Variants in WWOX observed in about 807,000 individuals in gnomAD.
WWOX encodes WW domain-containing oxidoreductase.
A neutral mutation model predicts 46.2 loss-of-function variants in WWOX; 69 were observed. That is an observed-to-expected ratio of 1.49 (90% CI 1.23 to 1.82). The LOEUF (loss-of-function observed/expected upper bound fraction) is 1.82. WWOX is among the 40% of genes most tolerant of loss of function. WWOX has a pLI of 0.00. For missense variants in WWOX, 919 were observed against 542.6 expected, an observed-to-expected ratio of 1.69 and a Z score of -6.89; for synonymous variants, 359 against 202.6, an observed-to-expected ratio of 1.77 and a Z score of -6.56.
intron 5 of WWOX, among the ~76,000 whole-genome samples, chr16:78,317,778 C>A (rs1455335907): frequency 6.6e-6 from 1 of 152,086 alleles, no homozygotes; most frequent in African/African-American, 2.4e-5. Context: ...GCATTTTATT[C>A]CCCCAACAGT....
intron 8 of WWOX, chr16:78,891,902 G>A (rs1185381801): frequency 6.6e-6 from 1 of 152,140 alleles, no homozygotes; most frequent in African/African-American, 2.4e-5. Flanking sequence ...AGCAGAGTTG[G>A]TTTTCCGGAG....
At chr16:78,828,938 T>A (rs576085851) in intron 8 of WWOX, among the ~76,000 whole-genome samples, 2 of 152,312 alleles carry the variant, frequency 1.3e-5, no homozygotes, top group African/African-American at 2.4e-5. Context: ...TCAAAACTTA[T>A]AGAGGTTAAA....
intron 8 of WWOX, among the ~76,000 whole-genome samples, chr16:79,161,690 T>C (rs113621437): frequency 0.024 from 3,613 of 152,160 alleles, 105 homozygotes; most frequent in East Asian, 0.16. Flanking sequence ...GGCTAGTTTT[T>C]GTATTTTTAG....
intron 8 of WWOX, among the ~76,000 whole-genome samples, chr16:79,048,253 A>G (rs1166696250): frequency 6.6e-6 from 1 of 151,938 alleles, no homozygotes; most frequent in Non-Finnish European, 1.5e-5. Flanking sequence ...TTGTGTTTTC[A>G]GCTGAGAAAA....
At chr16:78,465,986 G>T (rs554407499) in intron 8 of WWOX, among the ~76,000 whole-genome samples, 4 of 152,146 alleles carry the variant, frequency 2.6e-5, no homozygotes, top group Non-Finnish European at 4.4e-5. Context: ...GCGGCGGGGA[G>T]TATGGAAAGC....
intron 8 of WWOX, among the ~76,000 whole-genome samples, chr16:78,498,227 A>T (rs1181698855): frequency 7.0e-6 from 1 of 142,696 alleles, no homozygotes; most frequent in African/African-American, 2.6e-5. Context: ...AAGAAAAAAA[A>T]GCATCAGGGT....
chr16:78,742,668 T>G (rs2049257079), intron 8 of WWOX, among the ~76,000 whole-genome samples: 1 of 152,222 alleles, frequency 6.6e-6, no homozygotes, highest in Admixed American at 6.5e-5. Flanking sequence ...ACTGTTTATG[T>G]CTGCGGAGTC....
intron 8 of WWOX, among the ~76,000 whole-genome samples, chr16:78,455,319 A>C (rs1006587184): frequency 2.0e-5 from 3 of 152,104 alleles, no homozygotes; most frequent in African/African-American, 7.2e-5. Context: ...CTCAGTAATG[A>C]AGATAAATGA....
At chr16:78,975,474 T>G (rs12921056) in intron 8 of WWOX, among the ~76,000 whole-genome samples, 36,674 of 151,132 alleles carry the variant, frequency 0.24, 5,043 homozygotes, top group Admixed American at 0.33. Context: ...TTTTTTTTCA[T>G]TATGGCCCCC....
At chr16:78,775,557 C>G (rs1030495329) in intron 8 of WWOX, among the ~76,000 whole-genome samples, 2 of 152,110 alleles carry the variant, frequency 1.3e-5, no homozygotes, top group Non-Finnish European at 2.9e-5. Context: ...AACTGCTCAT[C>G]CCGTCTACAA....
Position 79,006,476 on chromosome 16 carries a change from G to C in WWOX, c.1057-205132G>C, listed in dbSNP as rs192990575. Among the ~76,000 whole-genome samples the C allele has an allele frequency of 3.3e-5, 5 of 152,080 alleles. No individual in the cohort carries two copies. The East Asian group carries it at 7.7e-4, about 24-fold the overall frequency. ...AAGCTGTAGATAACAAAAATTTCTT[G>C]AATGCTTTTAGCCCCTGATCTGAGT... is the stretch of plus-strand genomic sequence containing the variant. On this transcript the variant is annotated intron_variant, in intron 8 of 8. Coordinates refer to ENST00000566780, the MANE Select transcript of WWOX (RefSeq NM_016373.4).
At chr16:79,032,954 G>C (rs981043666) in intron 8 of WWOX, among the ~76,000 whole-genome samples, 5 of 151,124 alleles carry the variant, frequency 3.3e-5, no homozygotes, top group African/African-American at 1.2e-4. Flanking sequence ...AGTGTCTTTT[G>C]TTCCCCTCTT....
chr16:78,690,757 A>T (rs76144105), intron 8 of WWOX, among the ~76,000 whole-genome samples: 1,631 of 152,268 alleles, frequency 0.011, 34 homozygotes, highest in African/African-American at 0.036. Flanking sequence ...AAGTCCCTGA[A>T]TTATTTAAGC....
chr16:78,501,454 A>G (rs1472327739), intron 8 of WWOX, among the ~76,000 whole-genome samples: 1 of 151,912 alleles, frequency 6.6e-6, no homozygotes, highest in Non-Finnish European at 1.5e-5. Context: ...TTTTCTTTAA[A>G]GTTCCAACCT....
chr16:78,147,015 C>T (rs1400811752), intron 4 of WWOX, among the ~76,000 whole-genome samples: 2 of 152,128 alleles, frequency 1.3e-5, no homozygotes, highest in Non-Finnish European at 1.5e-5. Context: ...ATGGTGTCAG[C>T]ATTATTTTTT....
chr16:78,592,266 A>G (rs974647226), intron 8 of WWOX, among the ~76,000 whole-genome samples: 2 of 152,182 alleles, frequency 1.3e-5, no homozygotes, highest in African/African-American at 4.8e-5. Flanking sequence ...GTCAGATTCT[A>G]TTTCACTAAA....
intron 8 of WWOX, among the ~76,000 whole-genome samples, chr16:78,877,366 C>CA (rs2151210370): frequency 6.6e-6 from 1 of 151,986 alleles, no homozygotes; most frequent in South Asian, 2.1e-4. Context: ...TCAGACATGC[C>CA]AGGTGTGTTC....
chr16:78,580,523 T>C (rs1385311398), intron 8 of WWOX, among the ~76,000 whole-genome samples: 1 of 152,192 alleles, frequency 6.6e-6, no homozygotes, highest in Non-Finnish European at 1.5e-5. Context: ...AGCAGTCCCA[T>C]CACGAACAAA....
intron 8 of WWOX, among the ~76,000 whole-genome samples, chr16:78,723,972 C>A (rs940667239): frequency 6.6e-6 from 1 of 152,182 alleles, no homozygotes; most frequent in African/African-American, 2.4e-5. Flanking sequence ...CCCCCCATGG[C>A]CTCCATGGTA....
Sources: allele counts gnomAD v4.1 joint callset (sites outside exome capture counted in the v4.1 genomes callset), GRCh38; gene constraint gnomAD v4.1.1; transcripts MANE v1.5; gene names NCBI Gene and HGNC (gene_info 2026-07-23, HGNC 2026-07-21).